The following HID1 variants were observed in gnomAD, a reference collection of about 807,000 sequenced individuals.
HID1 encodes the protein HID1 domain containing, also known as protein HID1.
Under a neutral mutation model 89.7 loss-of-function variants are expected in HID1, and 42 were observed. The ratio of observed to expected loss-of-function variants is 0.47; its 90% CI spans 0.37 to 0.61. The LOEUF (loss-of-function observed/expected upper bound fraction) is 0.61, where lower values mean the gene tolerates loss of function less well. Ranked by LOEUF, HID1 falls within the 20% of genes least tolerant of loss-of-function variation. HID1 has a pLI of 0.00. For synonymous variants in HID1, 442 were observed against 433.8 expected, an observed-to-expected ratio of 1.02 and a Z score of -0.24; for missense variants, 854 against 1,039.3, an observed-to-expected ratio of 0.82 and a Z score of 2.45.
rs751733515 is a variant in HID1, at chr17:74,958,137, C to T, written c.1471+4G>A. On this transcript the variant is annotated splice_donor_region_variant and intron_variant, in intron 12 of 18. Transcript: ENST00000425042. This position sits in a 1 kb window ranked among gnomAD's most constrained non-coding sequence, Gnocchi z 5.2. ...CGCGGGGAGTGCAAGCTCCGGGCCCCTACCGTTGACCACGATGGTGAGCAG... is the reference window on the plus strand; with the variant it reads ...CGCGGGGAGTGCAAGCTCCGGGCCCTTACCGTTGACCACGATGGTGAGCAG... 2 of 1,603,404 alleles carry T rather than the reference C, an allele frequency of 1.2e-6. No individual in the cohort carries two copies. Among genetic ancestry groups the T allele is most frequent in the Non-Finnish European group, 1.7e-6 (2 of 1,175,626 alleles).
chr17:74,972,565 G>A lies in HID1; in HGVS notation c.66+26C>T, dbSNP rs747229446. On this transcript the variant is annotated intron_variant, in intron 1 of 18. Transcript: ENST00000425042. This position sits in a 1 kb window ranked among gnomAD's most constrained non-coding sequence, Gnocchi z 6.4. ...CAGCCCCCAGCCCGGCAGGTGGATGGGGACGCCGGGGCCCCCGTGGCGCAC... is the reference window on the plus strand; with the variant it reads ...CAGCCCCCAGCCCGGCAGGTGGATGAGGACGCCGGGGCCCCCGTGGCGCAC... The A allele has an allele frequency of 6.5e-7, 1 of 1,540,356 alleles. No individual in the cohort carries two copies. The highest frequency in any genetic ancestry group is 1.2e-5 in the South Asian group (1 of 82,978).
At chr17:74,954,064 T>C (rs895633594) in intron 14 of HID1, 74 bp downstream of exon 14, 1 of 1,369,712 alleles carries the variant, frequency 7.3e-7, no homozygotes, top group African/African-American at 1.4e-5. Context: ...GAGATGGGGG[T>C]GACACCCCGA....
At chr17:74,961,527 C>T (rs1314054304) in intron 6 of HID1, 1 of 153,174 alleles carries the variant, frequency 6.5e-6, no homozygotes, top group African/African-American at 2.4e-5. Context: ...GTTGGCCTCC[C>T]AAAGTGCTGG....
chr17:74,957,491 T>C (rs2039407379), intron 12 of HID1, among the ~76,000 whole-genome samples: 1 of 150,548 alleles, frequency 6.6e-6, no homozygotes, highest in African/African-American at 2.4e-5. Flanking sequence ...AAATAAAAAA[T>C]AAAATAAAAT....
Position 74,961,893 on chromosome 17 carries a change from G to T in HID1, c.708C>A (p.Phe236Leu). ...TTCACCTGTTCTCCGTGGAACAAAA[G>T]AACTGAACCCATGGGTTGGTGCTGC... Reference protein sequence around the residue: ...ESGSTNPWVQFFCSTENRHAL... With the variant: ...ESGSTNPWVQLFCSTENRHAL... The change falls in exon 6 of 19, where the codon TTC becomes TTA. Residue 236 changes from phenylalanine (F) to leucine (L), a missense_variant. Physicochemically the swap from Phe to Leu is conservative, Grantham distance 22 (BLOSUM62 0). Transcript: ENST00000425042. 1.3e-6 allele frequency: 2 copies of T among 1,591,362 alleles called. No individual in the cohort carries two copies. Among genetic ancestry groups the T allele is most frequent in the South Asian group, 1.1e-5 (1 of 88,302 alleles).
chr17:74,954,756 C>T, intron 13 of HID1: 1 of 280,634 alleles, frequency 3.6e-6, no homozygotes, highest in African/African-American at 2.3e-5. Context: ...GGAGAAGTCA[C>T]AGAGGATCCG....
At chr17:74,952,149 C>T (rs1407959367) in intron 17 of HID1, 86 bp from the exon 18 acceptor site, 2 of 1,519,088 alleles carry the variant, frequency 1.3e-6, no homozygotes, top group Non-Finnish European at 1.8e-6. Flanking sequence ...CCATGTTTCC[C>T]ATCACACGCC....
In HID1 at chr17:74,963,761, C is replaced by A. The variant is rs749950350; in HGVS notation, c.366G>T (p.Val122=). Residue 122 remains valine (V), a synonymous_variant, in exon 3 of 19, where the codon GTG becomes GTT. Transcript: ENST00000425042. The part of the protein sequence containing the change: ...PDWRGFFWST[V]PGAGRGGQGE... ...AGACCCCTCCTCGCCCTGCCCCGGG[C>A]ACTGTGGACCAGAAGAAGCCCCTCC... is the stretch of plus-strand genomic sequence containing the variant. The A allele has an allele frequency of 1.2e-6, 2 of 1,612,230 alleles. No individual in the cohort carries two copies. Among genetic ancestry groups the A allele is most frequent in the Non-Finnish European group, 1.7e-6 (2 of 1,179,262 alleles).
At position 74,960,255 on chromosome 17, in the gene HID1, C is replaced by T; in HGVS notation, c.729-7G>A. On this transcript the variant is annotated splice_polypyrimidine_tract_variant and splice_region_variant and intron_variant, in intron 6 of 18. Transcript: ENST00000425042. ...GAAGAGGGGCAGGGCATGTCTGCAG[C>T]AGGAGAGGGACAAGGCTGCAGAGGC... The T allele has an allele frequency of 6.2e-7, 1 of 1,603,758 alleles. No individual in the cohort carries two copies. Among genetic ancestry groups the T allele is most frequent in the Non-Finnish European group, 8.5e-7 (1 of 1,178,078 alleles).
chr17:74,951,259 T>G lies in HID1; in HGVS notation c.*311A>C. On this transcript the variant is annotated 3_prime_UTR_variant, in exon 19 of 19. Transcript: ENST00000425042. Reference sequence around the variant, plus strand: ...CCTCTGGGGCTGGGTAGCACAGGAGTGGGTGGGCACTGAGGGGCCAGCACT... The same window carrying G: ...CCTCTGGGGCTGGGTAGCACAGGAGGGGGTGGGCACTGAGGGGCCAGCACT... 1.4e-5 allele frequency: 6 copies of G among 426,788 alleles called. No individual in the cohort carries two copies. The highest frequency in any genetic ancestry group is 1.1e-4 in the South Asian group (3 of 28,458). 26.4% of individuals were successfully genotyped at this position (426,788 alleles called of 1,614,324 possible). A position where few individuals can be genotyped will look rare whatever the true frequency, so the allele number is the denominator to read the frequency against.
intron 1 of HID1, chr17:74,967,847 A>C (rs1302104449): frequency 6.6e-6 from 1 of 151,950 alleles, no homozygotes; most frequent in African/African-American, 2.4e-5. Context: ...TCACACCTGT[A>C]ATCCCAGAGC....
chr17:74,956,034 C>A (rs949768969), intron 12 of HID1, 78 bp from the exon 13 acceptor site: 2 of 1,436,370 alleles, frequency 1.4e-6, no homozygotes, highest in African/African-American at 2.8e-5. Flanking sequence ...GGTGGAACAA[C>A]AGGCTCCTGC....
chr17:74,968,218 A>AGGGAGCTGCAGGGTAACATGTGG (rs2039591681), intron 1 of HID1, among the ~76,000 whole-genome samples: 1 of 59,996 alleles, frequency 1.7e-5, no homozygotes, highest in African/African-American at 6.6e-5. Context: ...CCCCACCCCC[A>AGGGAGCTGCAGGGTAACATGTGG]CCCTGCGTTG....
chr17:74,955,146 G>A (rs748074144), intron 13 of HID1, among the ~76,000 whole-genome samples: 42 of 152,180 alleles, frequency 2.8e-4, no homozygotes, highest in Non-Finnish European at 5.1e-4. Context: ...CAGGGCTAAC[G>A]AGTGGCAAGG....
At chr17:74,969,080 G>T (rs1567966272) in intron 1 of HID1, among the ~76,000 whole-genome samples, 2 of 152,202 alleles carry the variant, frequency 1.3e-5, no homozygotes, top group South Asian at 2.1e-4. Flanking sequence ...ACAGGCATTA[G>T]TCAGGGTCAC....
At position 74,959,121 on chromosome 17, in the gene HID1, C is replaced by T; in HGVS notation, c.1009-70G>A. The stretch of plus-strand genomic sequence containing the variant: ...GCAGCTCCAGTTTCCCAGCCCAGGC[C>T]CCCAACAAATCCCCCCCTCCATCCC... On this transcript the variant is annotated intron_variant, in intron 8 of 18. Transcript: ENST00000425042. The surrounding 1 kb of genome is among the most constrained non-coding windows in gnomAD (Gnocchi z 4.6). 1.4e-6 allele frequency: 2 copies of T among 1,459,218 alleles called. No homozygotes were observed. Among genetic ancestry groups the T allele is most frequent in the Non-Finnish European group, 1.8e-6 (2 of 1,105,456 alleles). 90.4% of individuals were successfully genotyped at this position (1,459,218 alleles called of 1,614,324 possible).
At position 74,954,384 on chromosome 17, in the gene HID1, CCTCGCCTCAGGGA is replaced by C. The variant is rs1249395230; in HGVS notation, c.1637-32_1637-20del. 7 of 1,553,156 alleles carry C rather than the reference CCTCGCCTCAGGGA, an allele frequency of 4.5e-6. No homozygotes were observed. Among genetic ancestry groups the C allele is most frequent in the Non-Finnish European group, 6.1e-6 (7 of 1,148,690 alleles). ...GAGTTGCCTGTGGGCAGGGAGCATG[CCTCGCCTCAGGGA>C]GGCCCCCTCCAGCTCCCCCCGTCCA... On this transcript the variant is annotated intron_variant, in intron 13 of 18. Transcript: ENST00000425042.
intron 6 of HID1, 25 bp downstream of exon 6, chr17:74,961,848 C>T (rs771062692): frequency 6.6e-6 from 9 of 1,358,158 alleles, no homozygotes; most frequent in Non-Finnish European, 8.8e-6. Context: ...GGGAAGAGAG[C>T]GCAGAAAGGC....
At chr17:74,964,763 T>C in intron 1 of HID1, 131 bp from the exon 2 acceptor site, 1 of 903,978 alleles carries the variant, frequency 1.1e-6, no homozygotes, top group Non-Finnish European at 1.7e-6. Flanking sequence ...CCCAGAGCCA[T>C]CCCACATGGG....
Sources: gnomAD v4.1 joint callset for allele counts (sites outside exome capture counted in the v4.1 genomes callset) on GRCh38, gnomAD v4.1.1 for gene constraint, Gnocchi (gnomAD v3.1) non-coding constraint, MANE v1.5 for transcripts, NCBI Gene and HGNC (gene_info 2026-07-23, HGNC 2026-07-21) for gene names.